The following FLRT2 variants were observed in gnomAD, a reference collection of about 807,000 sequenced individuals.
FLRT2 encodes leucine-rich repeat transmembrane protein FLRT2.
FLRT2 carries 15 observed loss-of-function variants against 40.0 expected under a neutral mutation model. The observed-to-expected ratio is 0.38, with a 90% CI of 0.25 to 0.58. The LOEUF (loss-of-function observed/expected upper bound fraction) is 0.58. Ranked by LOEUF, FLRT2 falls within the 20% of genes least tolerant of loss-of-function variation. FLRT2 has a pLI of 0.71. For missense variants in FLRT2, 726 were observed against 840.0 expected, an observed-to-expected ratio of 0.86 and a Z score of 1.68; for synonymous variants, 380 against 336.8, an observed-to-expected ratio of 1.13 and a Z score of -1.41.
intron 1 of FLRT2, among the ~76,000 whole-genome samples, chr14:85,587,381 AT>A (rs1429467934): frequency 6.6e-6 from 1 of 152,034 alleles, no homozygotes; most frequent in African/African-American, 2.4e-5. Context: ...GCGCCAAAGA[AT>A]TCCTACGCAA....
chr14:85,598,747 C>T (rs1463952849), intron 1 of FLRT2, among the ~76,000 whole-genome samples: 2 of 152,116 alleles, frequency 1.3e-5, no homozygotes, highest in African/African-American at 4.8e-5. Flanking sequence ...GACAACACTT[C>T]CCGTTAGTGA....
rs544573159 is a variant in FLRT2, at chr14:85,628,849, T to C, written c.*5352T>C. On this transcript the variant is annotated 3_prime_UTR_variant, in exon 2 of 2. Transcript: ENST00000330753. ...GTTACAGACCTTATTCTATACAGAC[T>C]AAACCATTAGTCAAAAAATACCATT... 7 of 152,310 alleles carry C rather than the reference T, an allele frequency of 4.6e-5. No individual in the cohort carries two copies. In the Middle Eastern group the frequency reaches 0.01, roughly 222 times the overall value. 9.4% of individuals were successfully genotyped at this position (152,310 alleles called of 1,614,324 possible).
At chr14:85,532,838 C>A (rs1024832732) in intron 1 of FLRT2, among the ~76,000 whole-genome samples, 13 of 152,140 alleles carry the variant, frequency 8.5e-5, no homozygotes, top group African/African-American at 2.9e-4. Flanking sequence ...ACATTTCGAT[C>A]ATTTCTCAGT....
intron 1 of FLRT2, among the ~76,000 whole-genome samples, chr14:85,542,999 G>A (rs757582530): frequency 6.6e-6 from 1 of 152,220 alleles, no homozygotes. Context: ...AACCGAAGGA[G>A]CTGGTTAGAA....
At position 85,621,911 on chromosome 14, in the gene FLRT2, T is replaced by G. The variant is rs142516343; in HGVS notation, c.397T>G (p.Leu133Val). Residue 133 changes from leucine (L) to valine (V), a missense_variant, in exon 2 of 2, where the codon TTG becomes GTG. By Grantham distance (32) the Leu-to-Val change is conservative (BLOSUM62 1). Around this residue, in one of 3 missense-constraint regions of FLRT2, gnomAD observed 611 missense variants for 690.0 expected, o/e 0.89. Coordinates refer to ENST00000330753, the MANE Select transcript of FLRT2 (RefSeq NM_013231.6). ...TISRAALAQL[L>V]KLEELHLDDN... Reference sequence around the variant, plus strand: ...TTCACGGGCTGCTCTTGCCCAGCTCTTGAAGCTTGAAGAGCTGCACCTGGA... The same window carrying G: ...TTCACGGGCTGCTCTTGCCCAGCTCGTGAAGCTTGAAGAGCTGCACCTGGA... The G allele has an allele frequency of 1.2e-4, 198 of 1,602,530 alleles. No individual in the cohort carries two copies. The highest frequency in any genetic ancestry group is 1.6e-4 in the Non-Finnish European group (182 of 1,173,636).
intron 1 of FLRT2, among the ~76,000 whole-genome samples, chr14:85,596,514 G>C (rs1184684591): frequency 2.6e-5 from 4 of 152,044 alleles, no homozygotes; most frequent in Non-Finnish European, 5.9e-5. Flanking sequence ...TGTTGTTGTT[G>C]TTGTTGTTTA....
chr14:85,586,475 A>G (rs1257720029), intron 1 of FLRT2, among the ~76,000 whole-genome samples: 1 of 152,184 alleles, frequency 6.6e-6, no homozygotes, highest in Non-Finnish European at 1.5e-5. Context: ...TATAGTTGAG[A>G]GTACTGTATT....
At chr14:85,566,758 A>G (rs1890642633) in intron 1 of FLRT2, among the ~76,000 whole-genome samples, 1 of 138,024 alleles carries the variant, frequency 7.2e-6, no homozygotes, top group African/African-American at 2.8e-5. Flanking sequence ...GTTGGATACT[A>G]TGAAATCTTC....
chr14:85,622,948 G>A lies in FLRT2; in HGVS notation c.1434G>A (p.Leu478=), dbSNP rs1388371841. Residue 478 remains leucine (L), a synonymous_variant, in exon 2 of 2, where the codon CTG becomes CTA. Transcript: ENST00000330753. Reference sequence around the variant, plus strand: ...TAGTCAGCGGTGAGAAGCAACACCTGAGCCTGGTTAACTTAGAGCCCCGAT... The same window carrying A: ...TAGTCAGCGGTGAGAAGCAACACCTAAGCCTGGTTAACTTAGAGCCCCGAT... The part of the protein sequence containing the change: ...ERIVSGEKQH[L]SLVNLEPRST... 6.2e-7 allele frequency: 1 copy of A among 1,614,170 alleles called. No individual in the cohort carries two copies. The highest frequency in any genetic ancestry group is 1.1e-5 in the South Asian group (1 of 91,086).
rs1457826173 is a variant in FLRT2 at position 85,643,213 on chromosome 14, A to G, written c.*19716A>G. On this transcript the variant is annotated 3_prime_UTR_variant, in exon 2 of 2. Transcript: ENST00000330753. ...TACAGTCCATAACAGGGAGATAGGAACATTGGAGTAACCCATCATATGATT... is the reference window on the plus strand; with the variant it reads ...TACAGTCCATAACAGGGAGATAGGAGCATTGGAGTAACCCATCATATGATT... 1 of 152,234 alleles carries G rather than the reference A, an allele frequency of 6.6e-6. No homozygotes were observed. The highest frequency in any genetic ancestry group is 1.5e-5 in the Non-Finnish European group (1 of 68,064). The allele number at this position is 152,234 out of a possible 1,614,324, so 9.4% of individuals were successfully genotyped here. A position where few individuals can be genotyped will look rare whatever the true frequency, so the allele number is the denominator to read the frequency against.
At position 85,621,663 on chromosome 14, in the gene FLRT2, A is replaced by G. The variant is rs757901958; in HGVS notation, c.149A>G (p.Asn50Ser). The G allele has an allele frequency of 6.2e-7, 1 of 1,614,070 alleles. No homozygotes were observed. Reference sequence around the variant, plus strand: ...TGCGACAGGAACTTTGTCTACTGTAATGAGCGAAGCTTGACCTCAGTGCCT... The same window carrying G: ...TGCGACAGGAACTTTGTCTACTGTAGTGAGCGAAGCTTGACCTCAGTGCCT... Reference protein sequence around the residue: ...CRCDRNFVYCNERSLTSVPLG... With the variant: ...CRCDRNFVYCSERSLTSVPLG... Residue 50 changes from asparagine to serine, a missense_variant, in exon 2 of 2, where the codon AAT (asparagine) becomes AGT (serine). By Grantham distance (46) the Asn-to-Ser change is conservative (BLOSUM62 1). This residue lies in a region of FLRT2 where 106 missense variants were observed against 121.2 expected (regional missense o/e 0.87). Transcript: ENST00000330753.
At position 85,652,704 on chromosome 14, in the gene FLRT2, G is replaced by A. The variant is rs1194853194; in HGVS notation, c.*29207G>A. On this transcript the variant is annotated 3_prime_UTR_variant, in exon 2 of 2. Transcript: ENST00000330753. ...GTTCACAGTAAGTTATATCAATTAA[G>A]TTGCTTAGAATGAACATATAGCTGA... 1 of 152,070 alleles carries A rather than the reference G, an allele frequency of 6.6e-6. No individual in the cohort carries two copies. Among genetic ancestry groups the A allele is most frequent in the Non-Finnish European group, 1.5e-5 (1 of 68,010 alleles). 9.4% of individuals were successfully genotyped at this position (152,070 alleles called of 1,614,324 possible).
rs546441535 is a variant in FLRT2, at chr14:85,610,226, G to GA, written c.-376-10903dup. On this transcript the variant is annotated intron_variant, in intron 1 of 1. Transcript: ENST00000330753. The stretch of plus-strand genomic sequence containing the variant: ...TTCTAAAGAGAATTTGAGACAGGTG[G>GA]AAAAAAAAAAGTGTGGGGATGTTCG... Among the ~76,000 whole-genome samples, 141 of 148,256 alleles carry GA rather than the reference G, an allele frequency of 9.5e-4. 2 individuals carry two copies. The highest frequency in any genetic ancestry group is 3.9e-4 in the East Asian group (2 of 5,106).
chr14:85,543,709 T>C (rs1431795537), intron 1 of FLRT2, among the ~76,000 whole-genome samples: 2 of 152,124 alleles, frequency 1.3e-5, no homozygotes, highest in African/African-American at 4.8e-5. Flanking sequence ...TGGTGAGGCA[T>C]GGCCCTCTTG....
At position 85,653,439 on chromosome 14, in the gene FLRT2, A is replaced by G. The variant is rs2139413860; in HGVS notation, c.*29942A>G. On this transcript the variant is annotated 3_prime_UTR_variant, in exon 2 of 2. Coordinates refer to ENST00000330753, the MANE Select transcript of FLRT2 (RefSeq NM_013231.6). The stretch of plus-strand genomic sequence containing the variant: ...GATGCTCCATTAAGTCATTTAAAAT[A>G]AACTTCCTAGCAAGTGATCTCTAGC... The G allele has an allele frequency of 6.6e-6, 1 of 152,266 alleles. No individual in the cohort carries two copies. The allele number at this position is 152,266 out of a possible 1,614,324, so 9.4% of individuals were successfully genotyped here. A position where few individuals can be genotyped will look rare whatever the true frequency, so the allele number is the denominator to read the frequency against.
At chr14:85,580,213 G>C (rs2139874102) in intron 1 of FLRT2, among the ~76,000 whole-genome samples, 1 of 152,210 alleles carries the variant, frequency 6.6e-6, no homozygotes, top group South Asian at 2.1e-4. Context: ...ATAGCAGGTG[G>C]GTGTCTGCTG....
rs560530437 is a variant in FLRT2 at position 85,570,342 on chromosome 14, G to A, written c.-377+39808G>A. Among the ~76,000 whole-genome samples the A allele has an allele frequency of 7.9e-5, 12 of 152,164 alleles. No homozygotes were observed. In the South Asian group the frequency reaches 1.0e-3, roughly 13 times the overall value. On this transcript the variant is annotated intron_variant, in intron 1 of 1. Transcript: ENST00000330753. ...ACAATTCAACTTCCTTTTCATTTTAGGAATTAGAATTCATAGTCTTACTTT... is the reference window on the plus strand; with the variant it reads ...ACAATTCAACTTCCTTTTCATTTTAAGAATTAGAATTCATAGTCTTACTTT...
chr14:85,648,999 T>C lies in FLRT2; in HGVS notation c.*25502T>C, dbSNP rs1187647438. 6.6e-6 allele frequency: 1 copy of C among 152,124 alleles called. No homozygotes were observed. The allele number at this position is 152,124 out of a possible 1,614,324, so 9.4% of individuals were successfully genotyped here. A position where few individuals can be genotyped will look rare whatever the true frequency, so the allele number is the denominator to read the frequency against. On this transcript the variant is annotated 3_prime_UTR_variant, in exon 2 of 2. Coordinates refer to ENST00000330753, the MANE Select transcript of FLRT2 (RefSeq NM_013231.6). ...CAATTCCTTTGCATCATAGCACCCA[T>C]GCAAAATATTTTGGCTACAGGGAGT... is the stretch of plus-strand genomic sequence containing the variant.
At chr14:85,571,112 G>A (rs368040590) in intron 1 of FLRT2, among the ~76,000 whole-genome samples, 1 of 152,048 alleles carries the variant, frequency 6.6e-6, no homozygotes, top group Non-Finnish European at 1.5e-5. Flanking sequence ...TTCTTCATCT[G>A]CTTTGCTCAA....
Sources: gnomAD v4.1 joint callset for allele counts (sites outside exome capture counted in the v4.1 genomes callset) on GRCh38, gnomAD v4.1.1 for gene constraint, gnomAD v4.1.1 regional missense constraint, MANE v1.5 for transcripts, NCBI Gene and HGNC (gene_info 2026-07-23, HGNC 2026-07-21) for gene names.